Variants in CNTN4 observed in about 807,000 individuals in gnomAD.
CNTN4 encodes the protein contactin 4, also known as contactin-4.
In CNTN4, 77 loss-of-function variants were observed where a neutral mutation model predicts 122.5. That is an observed-to-expected ratio of 0.63 (90% CI 0.52 to 0.76). The LOEUF (loss-of-function observed/expected upper bound fraction) is 0.76, where lower values mean the gene tolerates loss of function less well. CNTN4 is among the 30% of genes least tolerant of loss of function. The pLI, the probability that CNTN4 is intolerant of heterozygous loss-of-function variation, is 0.00. For missense variants in CNTN4, 1,256 were observed against 1,259.1 expected (o/e 1.00, Z 0.04); for synonymous variants, 512 against 447.0 (o/e 1.15, Z -1.83).
rs2093528002 is a variant in CNTN4, at chr3:2,850,292, A to G, written c.455-16460A>G. Among the ~76,000 whole-genome samples, 4 of 152,164 alleles carry G rather than the reference A, an allele frequency of 2.6e-5. No homozygotes were observed. In the South Asian group the frequency reaches 8.3e-4, roughly 32 times the overall value. ...CGTGAGCCTCCGCGCCTGGCCAGCA[A>G]TCACTTTTTAAATGTTCTACAGTAG... On this transcript the variant is annotated intron_variant, in intron 7 of 24. Coordinates refer to ENST00000418658, the MANE Select transcript of CNTN4 (RefSeq NM_175607.3).
intron 3 of CNTN4, among the ~76,000 whole-genome samples, chr3:2,532,132 C>A (rs2077618840): frequency 6.6e-6 from 1 of 152,190 alleles, no homozygotes; most frequent in African/African-American, 2.4e-5. Flanking sequence ...AATATATGTA[C>A]TTATAAATCT....
intron 4 of CNTN4, among the ~76,000 whole-genome samples, chr3:2,704,472 T>C (rs1330751041): frequency 1.3e-5 from 2 of 152,020 alleles, no homozygotes; most frequent in African/African-American, 4.8e-5. Flanking sequence ...TGATTTCCAA[T>C]GGCAGAAGAA....
intron 12 of CNTN4, among the ~76,000 whole-genome samples, chr3:2,905,341 T>A (rs1044437928): frequency 6.6e-6 from 1 of 152,226 alleles, no homozygotes; most frequent in Non-Finnish European, 1.5e-5. Context: ...AAGCTGAAAG[T>A]TTGAGACCAG....
At chr3:3,044,582 G>C (rs761966037) in intron 23 of CNTN4, among the ~76,000 whole-genome samples, 1 of 152,218 alleles carries the variant, frequency 6.6e-6, no homozygotes, top group Non-Finnish European at 1.5e-5. Context: ...TCAAGAGGAA[G>C]AAAGCAGAAG....
At chr3:2,401,328 T>C (rs561746979) in intron 3 of CNTN4, among the ~76,000 whole-genome samples, 87 of 152,228 alleles carry the variant, frequency 5.7e-4, no homozygotes, top group African/African-American at 1.9e-3. Flanking sequence ...TCCTGACTTC[T>C]TGTATAATGT....
intron 2 of CNTN4, among the ~76,000 whole-genome samples, chr3:2,304,851 C>T (rs1469223698): frequency 6.6e-6 from 1 of 150,808 alleles, no homozygotes; most frequent in Non-Finnish European, 1.5e-5. Flanking sequence ...TTGTAATAAT[C>T]TGGTAAGATT....
intron 2 of CNTN4, among the ~76,000 whole-genome samples, chr3:2,259,627 AAG>A (rs1396968186): frequency 6.6e-6 from 1 of 152,170 alleles, no homozygotes; most frequent in African/African-American, 2.4e-5. Context: ...GCCAAGCAAA[AAG>A]GGAATCCCTT....
rs565744918 is a variant in CNTN4, at chr3:2,615,138, T to C, written c.55+43580T>C. Among the ~76,000 whole-genome samples, 3 of 152,324 alleles carry C rather than the reference T, an allele frequency of 2.0e-5. 1 individual carries two copies. The South Asian group carries it at 6.2e-4, about 32-fold the overall frequency. On this transcript the variant is annotated intron_variant, in intron 4 of 24. Transcript: ENST00000418658. ...GCACATCACTGTTTTGGGTTAGCAA[T>C]AAAATTCTCTGCATTTGCTTCATAA... is the stretch of plus-strand genomic sequence containing the variant.
intron 18 of CNTN4, among the ~76,000 whole-genome samples, chr3:3,037,953 G>A (rs1699766726): frequency 6.6e-6 from 1 of 152,136 alleles, no homozygotes; most frequent in South Asian, 2.1e-4. Context: ...TACTTAGCTG[G>A]TGTAAAGCAA....
chr3:2,721,466 G>A (rs1055144655), intron 4 of CNTN4, among the ~76,000 whole-genome samples: 1 of 152,112 alleles, frequency 6.6e-6, no homozygotes, highest in Non-Finnish European at 1.5e-5. Context: ...CATGAACATG[G>A]AAGTATTAAG....
At chr3:2,443,899 G>C (rs1240607761) in intron 3 of CNTN4, among the ~76,000 whole-genome samples, 1 of 152,058 alleles carries the variant, frequency 6.6e-6, no homozygotes, top group East Asian at 1.9e-4. Context: ...AGTTTATCTT[G>C]TTTTTGCTAG....
chr3:2,127,141 C>T (rs1007782224), intron 2 of CNTN4, among the ~76,000 whole-genome samples: 1 of 152,146 alleles, frequency 6.6e-6, no homozygotes, highest in Non-Finnish European at 1.5e-5. Flanking sequence ...GCTTAAGTTA[C>T]CATCTTCCCA....
intron 4 of CNTN4, among the ~76,000 whole-genome samples, chr3:2,635,846 C>T (rs1209302561): frequency 6.6e-6 from 1 of 152,154 alleles, no homozygotes; most frequent in Non-Finnish European, 1.5e-5. Context: ...TCAGGTCTCC[C>T]AGATAGTTTC....
chr3:2,861,270 T>C (rs1434655723), intron 7 of CNTN4, among the ~76,000 whole-genome samples: 3 of 152,176 alleles, frequency 2.0e-5, no homozygotes, highest in African/African-American at 7.2e-5. Context: ...ATGCCATTTT[T>C]CCCTTTGCTC....
At position 2,944,795 on chromosome 3, in the gene CNTN4, T is replaced by C. The variant is rs568277859; in HGVS notation, c.1358+19016T>C. Among the ~76,000 whole-genome samples the C allele has an allele frequency of 4.6e-5, 7 of 152,226 alleles. No individual in the cohort carries two copies. The South Asian group carries it at 1.5e-3, about 32-fold the overall frequency. On this transcript the variant is annotated intron_variant, in intron 13 of 24. Coordinates refer to ENST00000418658, the MANE Select transcript of CNTN4 (RefSeq NM_175607.3). ...CAGATGACAGGTTGCATACAGAAGG[T>C]TTATAGGGGAGTGCTCTCTGAGGAT... is the stretch of plus-strand genomic sequence containing the variant.
chr3:3,055,581 G>A (rs1456162626), intron 24 of CNTN4, among the ~76,000 whole-genome samples: 13 of 152,170 alleles, frequency 8.5e-5, no homozygotes, highest in Admixed American at 8.5e-4. Context: ...TATTTTGTTT[G>A]CAGAAAAGGG....
chr3:2,855,899 C>A (rs2093613079), intron 7 of CNTN4, among the ~76,000 whole-genome samples: 1 of 152,192 alleles, frequency 6.6e-6, no homozygotes, highest in South Asian at 2.1e-4. Context: ...GGGGCTCACT[C>A]ATTCTGACTT....
In CNTN4 at chr3:2,717,667, T is replaced by C. The variant is rs573287404; in HGVS notation, c.56-18548T>C. 9.2e-5 allele frequency among the ~76,000 whole-genome samples: 14 copies of C among 152,340 alleles called. No individual in the cohort carries two copies. The East Asian group carries it at 2.7e-3, about 29-fold the overall frequency. On this transcript the variant is annotated intron_variant, in intron 4 of 24. Transcript: ENST00000418658. ...GTTTCGGGGACTCCTAACACAAGTA[T>C]ATACCTAGGGATGAAATTTCTGGAT...
chr3:2,717,596 G>A (rs774416298), intron 4 of CNTN4, among the ~76,000 whole-genome samples: 1 of 152,090 alleles, frequency 6.6e-6, no homozygotes, highest in Non-Finnish European at 1.5e-5. Context: ...ATGAATATAT[G>A]CCAAGTCCTG....
Sources: gnomAD v4.1 joint callset for allele counts (sites outside exome capture counted in the v4.1 genomes callset) on GRCh38, gnomAD v4.1.1 for gene constraint, MANE v1.5 for transcripts, NCBI Gene and HGNC (gene_info 2026-07-23, HGNC 2026-07-21) for gene names.